TJP1: variants seen among roughly 807,000 people sequenced by gnomAD.
The protein encoded by TJP1 is tight junction protein 1, also known as tight junction protein ZO-1.
TJP1 carries 43 observed loss-of-function variants against 194.2 expected under a neutral mutation model. That is an observed-to-expected ratio of 0.22 (90% CI 0.17 to 0.29). TJP1 has a LOEUF of 0.29. Ranked by LOEUF, TJP1 falls within the 10% of genes least tolerant of loss-of-function variation. The probability of loss-of-function intolerance (pLI) is 1.00; values close to 1 mark genes in which losing one functional copy is unlikely to be tolerated. For synonymous variants in TJP1, 801 were observed against 779.0 expected (o/e 1.03, Z -0.47); for missense variants, 1,971 against 2,185.7 (o/e 0.90, Z 1.96).
chr15:29,939,486 C>T (rs1009514192), intron 2 of TJP1, among the ~76,000 whole-genome samples: 5 of 152,158 alleles, frequency 3.3e-5, no homozygotes, highest in Non-Finnish European at 2.9e-5. Context: ...TTACCATTAG[C>T]CATTTCCCAA....
chr15:29,906,640 T>G (rs1057461276), intron 2 of TJP1, among the ~76,000 whole-genome samples: 3 of 151,794 alleles, frequency 2.0e-5, no homozygotes, highest in Non-Finnish European at 2.9e-5. Context: ...AGTGCAGTGG[T>G]GCAATCTCAG....
chr15:29,822,501 CCGGCCCGG>C, upstream of TJP1: 1 of 984,740 alleles, frequency 1.0e-6, no homozygotes, highest in South Asian at 4.7e-5. Flanking sequence ...CTGAGCATGC[CCGGCCCGG>C]CGGGGGCGGG....
At chr15:29,764,910 G>A (rs2046237181) in intron 5 of TJP1, among the ~76,000 whole-genome samples, 1 of 152,088 alleles carries the variant, frequency 6.6e-6, no homozygotes, top group South Asian at 2.1e-4. Flanking sequence ...GGGAGCAGAT[G>A]AGATTGCCTA....
At chr15:29,940,887 C>A (rs926502390) in intron 2 of TJP1, among the ~76,000 whole-genome samples, 1 of 152,134 alleles carries the variant, frequency 6.6e-6, no homozygotes, top group Admixed American at 6.5e-5. Context: ...CCCCCACCCT[C>A]GCCCCTGCCC....
chr15:29,826,273 T>A (rs2050673194), upstream of TJP1, among the ~76,000 whole-genome samples: 1 of 151,940 alleles, frequency 6.6e-6, no homozygotes, highest in Non-Finnish European at 1.5e-5. Flanking sequence ...GGGGCTAAGG[T>A]GGAGTTTTCT....
At chr15:29,718,164 C>G in intron 21 of TJP1, 46 bp from the exon 22 acceptor site, 1 of 1,546,086 alleles carries the variant, frequency 6.5e-7, no homozygotes, top group Non-Finnish European at 8.8e-7. Context: ...GCCTAAGGAA[C>G]AGATAATTAA....
intron 8 of TJP1, among the ~76,000 whole-genome samples, chr15:29,749,865 C>T (rs1185344192): frequency 4.6e-5 from 7 of 152,120 alleles, no homozygotes; most frequent in Admixed American, 1.3e-4. Context: ...GTTTTTGAGA[C>T]GGAGTCACGC....
At chr15:29,824,962 T>C (rs973762626), upstream of TJP1, among the ~76,000 whole-genome samples, 2 of 152,232 alleles carry the variant, frequency 1.3e-5, no homozygotes, top group Non-Finnish European at 2.9e-5. Context: ...TTAAAAATTA[T>C]ATTTAGTATT....
rs2041459062 is a variant in TJP1, at chr15:29,700,251, G to A, written c.*1344C>T. On this transcript the variant is annotated 3_prime_UTR_variant, in exon 28 of 28. Transcript: ENST00000614355. The stretch of plus-strand genomic sequence containing the variant: ...ACCTAATGATTAACAGAATGTAGTG[G>A]TGTATTATCTAAACAGAAATCGTGC... 1 of 398,912 alleles carries A rather than the reference G, an allele frequency of 2.5e-6. No homozygotes were observed. The allele number at this position is 398,912 out of a possible 1,614,324, so 24.7% of individuals were successfully genotyped here.
chr15:29,959,179 CG>C (rs959944246), intron 1 of TJP1, among the ~76,000 whole-genome samples: 1 of 151,618 alleles, frequency 6.6e-6, no homozygotes, highest in Admixed American at 6.6e-5. Flanking sequence ...TTAGTAGAGA[CG>C]GGGTTTCACC....
chr15:29,843,698 G>GT (rs2051310383), intron 2 of TJP1, among the ~76,000 whole-genome samples: 1 of 152,204 alleles, frequency 6.6e-6, no homozygotes, highest in South Asian at 2.1e-4. Context: ...TTCAATGGTA[G>GT]TAAGTGCTAG....
intron 10 of TJP1, among the ~76,000 whole-genome samples, chr15:29,738,279 C>T (rs557636773): frequency 6.6e-6 from 1 of 152,164 alleles, no homozygotes; most frequent in South Asian, 2.1e-4. Flanking sequence ...CCTATTCTGA[C>T]AAGAAGTGTA....
At chr15:29,785,457 G>T (rs555090822) in intron 2 of TJP1, among the ~76,000 whole-genome samples, 1 of 152,074 alleles carries the variant, frequency 6.6e-6, no homozygotes, top group African/African-American at 2.4e-5. Flanking sequence ...TCACACAAAA[G>T]GTCTGCCCAC....
intron 2 of TJP1, among the ~76,000 whole-genome samples, chr15:29,949,613 ACCACCACCACCTCCACCT>A (rs2055528975): frequency 2.6e-5 from 2 of 76,970 alleles, no homozygotes; most frequent in Non-Finnish European, 4.8e-5. Flanking sequence ...CTCCACCTTC[ACCACCACCACCTCCACCT>A]CCACCACCTC....
chr15:29,856,769 C>G (rs1159889389), intron 2 of TJP1, among the ~76,000 whole-genome samples: 1 of 151,540 alleles, frequency 6.6e-6, no homozygotes. Flanking sequence ...GTCAGGAGAT[C>G]GAGACCATCC....
chr15:29,905,917 T>A (rs2053793342), intron 2 of TJP1, among the ~76,000 whole-genome samples: 1 of 152,188 alleles, frequency 6.6e-6, no homozygotes, highest in African/African-American at 2.4e-5. Context: ...AACTACTTTA[T>A]ATGATACTAT....
chr15:29,940,708 G>C (rs916502294), intron 2 of TJP1, among the ~76,000 whole-genome samples: 16 of 152,170 alleles, frequency 1.1e-4, no homozygotes, highest in Non-Finnish European at 1.9e-4. Context: ...GATCATCTCT[G>C]AAAAGCTGAA....
intron 2 of TJP1, among the ~76,000 whole-genome samples, chr15:29,864,636 G>A (rs745472918): frequency 6.6e-6 from 1 of 152,162 alleles, no homozygotes; most frequent in Non-Finnish European, 1.5e-5. Flanking sequence ...GGGCAGTAGA[G>A]GAAGGAACCT....
At chr15:29,817,010 G>A (rs1441229100) in intron 1 of TJP1, among the ~76,000 whole-genome samples, 7 of 152,172 alleles carry the variant, frequency 4.6e-5, no homozygotes, top group Admixed American at 4.6e-4. Context: ...AACTATCAGA[G>A]TGAACAGGCA....
Sources: allele counts gnomAD v4.1 joint callset (sites outside exome capture counted in the v4.1 genomes callset), GRCh38; gene constraint gnomAD v4.1.1; transcripts MANE v1.5; gene names NCBI Gene and HGNC (gene_info 2026-07-23, HGNC 2026-07-21).